TNR: variants seen among roughly 807,000 people sequenced by gnomAD.
TNR encodes the protein tenascin R, also known as tenascin-R.
A neutral mutation model predicts 150.4 loss-of-function variants in TNR; 45 were observed. The observed-to-expected ratio is 0.30, with a 90% CI of 0.24 to 0.38. The LOEUF is 0.38. Among genes scored for constraint, TNR ranks in the 10% least tolerant of loss-of-function variants. The pLI is 1.00. For synonymous variants in TNR, 687 were observed against 678.4 expected, an observed-to-expected ratio of 1.01 and a Z score of -0.20; for missense variants, 1,544 against 1,759.1, an observed-to-expected ratio of 0.88 and a Z score of 2.19.
At position 175,449,960 on chromosome 1, in the gene TNR, C is replaced by T. The variant is rs138006753; in HGVS notation, c.-63-43183G>A. On this transcript the variant is annotated intron_variant, in intron 2 of 22. Transcript: ENST00000367674. ...TCAGCACAATCATGCTTTGCTTTTG[C>T]GACACCTGCTCATCCTGTAGTGCAG... 3.3e-5 allele frequency among the ~76,000 whole-genome samples: 5 copies of T among 152,276 alleles called. No individual in the cohort carries two copies. In the East Asian group the frequency reaches 5.8e-4, roughly 18 times the overall value.
In TNR at chr1:175,531,284, G is replaced by A. The variant is rs143257153; in HGVS notation, c.-164-2915C>T. ...ATACTGGCCCTTGTGATATAAACAC[G>A]CATTACCTCACTAGTAGATCCACTT... On this transcript the variant is annotated intron_variant, in intron 1 of 22. Coordinates refer to ENST00000367674, the MANE Select transcript of TNR (RefSeq NM_003285.3). Among the ~76,000 whole-genome samples the A allele has an allele frequency of 2.2e-3, 339 of 152,232 alleles. 1 individual carries two copies. The highest frequency in any genetic ancestry group is 7.6e-3 in the African/African-American group (317 of 41,534).
intron 1 of TNR, among the ~76,000 whole-genome samples, 177 bp downstream of exon 1, chr1:175,743,048 CT>C (rs900180086): frequency 2.0e-5 from 3 of 151,986 alleles, no homozygotes; most frequent in Non-Finnish European, 4.4e-5. Context: ...AGTTTTGCGC[CT>C]TTCTTTTCCC....
chr1:175,379,994 C>T (rs571181996), intron 8 of TNR, among the ~76,000 whole-genome samples: 1 of 152,248 alleles, frequency 6.6e-6, no homozygotes, highest in African/African-American at 2.4e-5. Flanking sequence ...GTTCCAGTGG[C>T]ATTCTAGAAA....
chr1:175,508,159 T>C (rs1571538944), intron 2 of TNR, among the ~76,000 whole-genome samples: 1 of 152,196 alleles, frequency 6.6e-6, no homozygotes, highest in South Asian at 2.1e-4. Flanking sequence ...ACGTCATGTA[T>C]GTGGGGCTTA....
At chr1:175,698,036 C>T (rs946652535) in intron 1 of TNR, among the ~76,000 whole-genome samples, 21 of 152,222 alleles carry the variant, frequency 1.4e-4, no homozygotes, top group African/African-American at 2.9e-4. Context: ...CATCCTTTTG[C>T]GGTCTGAACC....
At chr1:175,713,974 C>A (rs1027482013) in intron 1 of TNR, among the ~76,000 whole-genome samples, 1 of 150,612 alleles carries the variant, frequency 6.6e-6, no homozygotes, top group Non-Finnish European at 1.5e-5. Context: ...TCCTGTCTCA[C>A]TCTCCTCTCT....
chr1:175,722,246 G>A (rs1667325540), intron 1 of TNR, among the ~76,000 whole-genome samples: 1 of 152,080 alleles, frequency 6.6e-6, no homozygotes, highest in Admixed American at 6.5e-5. Flanking sequence ...TTTGAATTGT[G>A]AATAATTCAT....
chr1:175,494,312 C>A (rs1039066396), intron 2 of TNR, among the ~76,000 whole-genome samples: 1 of 152,238 alleles, frequency 6.6e-6, no homozygotes, highest in African/African-American at 2.4e-5. Context: ...ACCAGGCCCT[C>A]TGTCTGAATG....
chr1:175,438,394 T>G (rs933601160), intron 2 of TNR, among the ~76,000 whole-genome samples: 1 of 152,164 alleles, frequency 6.6e-6, no homozygotes, highest in African/African-American at 2.4e-5. Flanking sequence ...TAATAAGAGC[T>G]ATCTACGACA....
intron 18 of TNR, among the ~76,000 whole-genome samples, chr1:175,345,217 T>C (rs1306873920): frequency 1.3e-5 from 2 of 152,200 alleles, no homozygotes; most frequent in Non-Finnish European, 2.9e-5. Flanking sequence ...AAGTCTGTTT[T>C]GCTTGTCTTT....
At chr1:175,432,073 G>T (rs1452815045) in intron 2 of TNR, among the ~76,000 whole-genome samples, 9 of 152,092 alleles carry the variant, frequency 5.9e-5, no homozygotes, top group African/African-American at 2.2e-4. Flanking sequence ...GGGGGCCAGG[G>T]ATATGGGGTT....
At chr1:175,560,846 T>G (rs1462909800) in intron 1 of TNR, among the ~76,000 whole-genome samples, 1 of 152,264 alleles carries the variant, frequency 6.6e-6, no homozygotes, top group African/African-American at 2.4e-5. Flanking sequence ...TGAAAACTTT[T>G]AAAGCCTCTG....
At chr1:175,550,828 A>C (rs914590032) in intron 1 of TNR, among the ~76,000 whole-genome samples, 2 of 152,132 alleles carry the variant, frequency 1.3e-5, no homozygotes, top group Non-Finnish European at 2.9e-5. Context: ...ACAACAAAAT[A>C]GGATCCTACT....
intron 20 of TNR, among the ~76,000 whole-genome samples, chr1:175,331,158 T>C (rs868746259): frequency 1.5e-4 from 15 of 101,500 alleles, no homozygotes; most frequent in African/African-American, 5.6e-4. Context: ...TTTCTTTCTT[T>C]TTCTTTCCTT....
chr1:175,404,911 A>G (rs1017891216), intron 3 of TNR, among the ~76,000 whole-genome samples: 3 of 152,264 alleles, frequency 2.0e-5, no homozygotes, highest in Admixed American at 2.0e-4. Flanking sequence ...TTGGGAGGAG[A>G]AGGAGGTGAA....
chr1:175,547,065 G>T (rs4650924), intron 1 of TNR, among the ~76,000 whole-genome samples: 1 of 152,042 alleles, frequency 6.6e-6, no homozygotes, highest in Non-Finnish European at 1.5e-5. Context: ...CATTTAGGAG[G>T]TACCACTATC....
rs527923007 is a variant in TNR, at chr1:175,673,940, C to A, written c.-165+69286G>T. On this transcript the variant is annotated intron_variant, in intron 1 of 22. Coordinates refer to ENST00000367674, the MANE Select transcript of TNR (RefSeq NM_003285.3). ...TGGCTAAGTACATAGTGCCATCCAC[C>A]TAGGAGGTGCTGGAGGCACTGATGC... is the stretch of plus-strand genomic sequence containing the variant. 2.6e-5 allele frequency among the ~76,000 whole-genome samples: 4 copies of A among 152,326 alleles called. No homozygotes were observed. The South Asian group carries it at 8.3e-4, about 32-fold the overall frequency.
intron 1 of TNR, among the ~76,000 whole-genome samples, chr1:175,688,766 G>GT (rs112624810): frequency 0.084 from 12,849 of 152,174 alleles, 704 homozygotes; most frequent in East Asian, 0.16. Context: ...GTTTCTGTTT[G>GT]TTTTTTCCCA....
intron 9 of TNR, among the ~76,000 whole-genome samples, chr1:175,368,989 C>T (rs972183942): frequency 6.6e-6 from 1 of 151,932 alleles, no homozygotes; most frequent in African/African-American, 2.4e-5. Context: ...AAAAACAAAA[C>T]AAAAAAACCC....
Sources: allele counts gnomAD v4.1 joint callset (sites outside exome capture counted in the v4.1 genomes callset), GRCh38; gene constraint gnomAD v4.1.1; transcripts MANE v1.5; gene names NCBI Gene and HGNC (gene_info 2026-07-23, HGNC 2026-07-21).